The following RNLS variants were observed in gnomAD, a reference collection of about 807,000 sequenced individuals.
RNLS encodes the protein renalase, FAD dependent amine oxidase.
Under a neutral mutation model 39.8 loss-of-function variants are expected in RNLS, and 39 were observed. That is an observed-to-expected ratio of 0.98 (90% confidence interval 0.76 to 1.28). The LOEUF (loss-of-function observed/expected upper bound fraction) is 1.28, where lower values mean the gene tolerates loss of function less well. Ranked by LOEUF, RNLS falls within the 50% of genes most tolerant of loss-of-function variation. The pLI, the probability that RNLS is intolerant of heterozygous loss-of-function variation, is 0.00. For missense variants in RNLS, 410 were observed against 413.3 expected (o/e 0.99, Z 0.07); for synonymous variants, 147 against 150.7 (o/e 0.98, Z 0.18).
At chr10:88,206,449 C>T in the RNLS span, among the ~76,000 whole-genome samples, 2 of 152,096 alleles carry the variant, frequency 1.3e-5, no homozygotes, top group African/African-American at 2.4e-5. Context: ...TCCTGGAGAG[C>T]TGATATTAAA....
intron 4 of RNLS, among the ~76,000 whole-genome samples, chr10:88,488,640 T>C (rs146081090): frequency 7.6e-5 from 11 of 145,306 alleles, no homozygotes; most frequent in African/African-American, 2.8e-4. Context: ...AAAATACACA[T>C]AATACTAAAA....
At chr10:88,571,775 T>C (rs1476898499) in intron 4 of RNLS, among the ~76,000 whole-genome samples, 1 of 152,190 alleles carries the variant, frequency 6.6e-6, no homozygotes. Context: ...TTTGCTGACA[T>C]TACTTCCCTG....
intron 4 of RNLS, among the ~76,000 whole-genome samples, chr10:88,566,591 T>C (rs1468415717): frequency 6.6e-6 from 1 of 152,122 alleles, no homozygotes; most frequent in Non-Finnish European, 1.5e-5. Flanking sequence ...AGTAAAAGAA[T>C]ACAGGACCTC....
At chr10:88,299,925 T>C (rs1844391443) in intron 6 of RNLS, among the ~76,000 whole-genome samples, 1 of 152,182 alleles carries the variant, frequency 6.6e-6, no homozygotes, top group Admixed American at 6.5e-5. Context: ...TGAAAACAAG[T>C]ATACAAGTGT....
At chr10:88,503,798 C>T (rs1355636801) in intron 4 of RNLS, among the ~76,000 whole-genome samples, 1 of 152,112 alleles carries the variant, frequency 6.6e-6, no homozygotes, top group African/African-American at 2.4e-5. Context: ...ATGGGCTGGA[C>T]GTGGTGACTC....
At chr10:88,383,028 A>G (rs924196067) in intron 4 of RNLS, among the ~76,000 whole-genome samples, 4 of 152,128 alleles carry the variant, frequency 2.6e-5, no homozygotes, top group African/African-American at 9.6e-5. Flanking sequence ...AGTGACTCAT[A>G]TTATTCATCA....
At chr10:88,308,547 G>A (rs547152400) in intron 6 of RNLS, among the ~76,000 whole-genome samples, 1 of 152,204 alleles carries the variant, frequency 6.6e-6, no homozygotes, top group African/African-American at 2.4e-5. Context: ...GAACATCGCT[G>A]ATCATTAGAG....
the RNLS span, among the ~76,000 whole-genome samples, chr10:88,196,166 C>T: frequency 2.0e-5 from 3 of 147,646 alleles, no homozygotes; most frequent in African/African-American, 7.4e-5. Flanking sequence ...GTCAGGCTTG[C>T]CTAATATTTT....
chr10:88,321,020 C>G (rs1317181020), intron 5 of RNLS, among the ~76,000 whole-genome samples: 2 of 151,708 alleles, frequency 1.3e-5, no homozygotes, highest in Admixed American at 1.3e-4. Context: ...GTGCACAGAA[C>G]AGTCTCTAAA....
In RNLS at chr10:88,582,423, T is replaced by C. The variant is rs1850645572; in HGVS notation, c.119-116A>G. On this transcript the variant is annotated intron_variant, in intron 1 of 6. Coordinates refer to ENST00000331772, the MANE Select transcript of RNLS (RefSeq NM_001031709.3). ...CTTCAAAAATATCTTAAGAAACTTT[T>C]TTAAGTTGAAGTATTTGATCAGATT... 3 of 741,870 alleles carry C rather than the reference T, an allele frequency of 4.0e-6. No homozygotes were observed. In the Admixed American group the frequency reaches 9.4e-5, roughly 23 times the overall value. 46.0% of individuals were successfully genotyped at this position (741,870 alleles called of 1,614,324 possible).
At chr10:88,192,446 G>A in the RNLS span, among the ~76,000 whole-genome samples, 1 of 152,168 alleles carries the variant, frequency 6.6e-6, no homozygotes, top group Non-Finnish European at 1.5e-5. Context: ...TGGAAAATCT[G>A]GGTTGATCAA....
intron 1 of RNLS, among the ~76,000 whole-genome samples, chr10:88,582,781 G>T (rs1284572443): frequency 6.6e-6 from 1 of 152,216 alleles, no homozygotes; most frequent in African/African-American, 2.4e-5. Context: ...TCGGGTCGGG[G>T]CCCCTCCCAC....
At chr10:88,190,189 G>A in the RNLS span, among the ~76,000 whole-genome samples, 1 of 152,196 alleles carries the variant, frequency 6.6e-6, no homozygotes, top group Admixed American at 6.5e-5. Flanking sequence ...AGCTGTTTTT[G>A]TCTCCCTAGA....
At chr10:88,433,855 T>C (rs1231493340) in intron 4 of RNLS, among the ~76,000 whole-genome samples, 1 of 152,290 alleles carries the variant, frequency 6.6e-6, no homozygotes, top group East Asian at 1.9e-4. Context: ...ATCAAAATAA[T>C]GTAATGCAAT....
At chr10:88,343,992 C>T (rs978830212) in intron 5 of RNLS, among the ~76,000 whole-genome samples, 1 of 152,170 alleles carries the variant, frequency 6.6e-6, no homozygotes, top group Non-Finnish European at 1.5e-5. Flanking sequence ...TTTCCCAATA[C>T]TCACCAGCAG....
At chr10:88,358,560 T>G (rs1340179032) in intron 5 of RNLS, among the ~76,000 whole-genome samples, 1 of 152,242 alleles carries the variant, frequency 6.6e-6, no homozygotes, top group Non-Finnish European at 1.5e-5. Context: ...TTTTGCAAAT[T>G]TATTTGATGA....
chr10:88,213,021 C>T, the RNLS span, among the ~76,000 whole-genome samples: 4 of 152,140 alleles, frequency 2.6e-5, no homozygotes, highest in Non-Finnish European at 5.9e-5. Flanking sequence ...TTGGCTTTTG[C>T]CACTGTCATT....
chr10:88,496,082 G>A (rs993138674), intron 4 of RNLS, among the ~76,000 whole-genome samples: 1 of 152,076 alleles, frequency 6.6e-6, no homozygotes, highest in African/African-American at 2.4e-5. Context: ...AGAAGGAAGA[G>A]GGGAGAGAAC....
chr10:88,504,946 T>C (rs1428642340), intron 4 of RNLS, among the ~76,000 whole-genome samples: 1 of 151,660 alleles, frequency 6.6e-6, no homozygotes, highest in African/African-American at 2.4e-5. Context: ...CAATAGGATC[T>C]GGGGGGAGAT....
Sources: gnomAD v4.1 joint callset for allele counts (sites outside exome capture counted in the v4.1 genomes callset) on GRCh38, gnomAD v4.1.1 for gene constraint, MANE v1.5 for transcripts, NCBI Gene and HGNC (gene_info 2026-07-23, HGNC 2026-07-21) for gene names.